Variants in CTTNBP2 observed in about 807,000 individuals in gnomAD.
The protein encoded by CTTNBP2 is cortactin-binding protein 2.
In CTTNBP2, 108 loss-of-function variants were observed where a neutral mutation model predicts 156.9. That is an observed-to-expected ratio of 0.69 (90% CI 0.59 to 0.81). The LOEUF (loss-of-function observed/expected upper bound fraction) is 0.81. Among genes scored for constraint, CTTNBP2 ranks in the 30% least tolerant of loss-of-function variants. The pLI is 0.00. For missense variants in CTTNBP2, 1,924 were observed against 2,035.4 expected (o/e 0.95, Z 1.05); for synonymous variants, 767 against 751.8 (o/e 1.02, Z -0.33).
At chr7:117,827,904 A>T (rs1266131106) in intron 2 of CTTNBP2, among the ~76,000 whole-genome samples, 1 of 152,230 alleles carries the variant, frequency 6.6e-6, no homozygotes, top group Non-Finnish European at 1.5e-5. Flanking sequence ...TCCCCAGGAC[A>T]TTAAGAGCGA....
At chr7:117,731,903 T>A (rs1488798511) in intron 16 of CTTNBP2, among the ~76,000 whole-genome samples, 1 of 152,198 alleles carries the variant, frequency 6.6e-6, no homozygotes, top group Non-Finnish European at 1.5e-5. Flanking sequence ...CTGGATCAAT[T>A]TTTAAACATG....
intron 2 of CTTNBP2, among the ~76,000 whole-genome samples, chr7:117,814,037 C>T (rs1343312712): frequency 6.6e-6 from 1 of 152,196 alleles, no homozygotes; most frequent in East Asian, 1.9e-4. Flanking sequence ...GGTGTCTACT[C>T]ACCCACACAA....
Position 117,760,419 on chromosome 7 carries a change from A to G in CTTNBP2, c.3172+16T>C. Reference sequence around the variant, plus strand: ...CCAGAAATTTCACTTTCTCTCCGTCATAGGACTGCTGATACCTAGCGTGAT... The same window carrying G: ...CCAGAAATTTCACTTTCTCTCCGTCGTAGGACTGCTGATACCTAGCGTGAT... On this transcript the variant is annotated intron_variant, in intron 10 of 22. Coordinates refer to ENST00000160373, the MANE Select transcript of CTTNBP2 (RefSeq NM_033427.3). 1 of 1,609,728 alleles carries G rather than the reference A, an allele frequency of 6.2e-7. No homozygotes were observed. The highest frequency in any genetic ancestry group is 8.5e-7 in the Non-Finnish European group (1 of 1,176,306).
chr7:117,764,805 A>T (rs1584963759), intron 9 of CTTNBP2, among the ~76,000 whole-genome samples: 2 of 152,342 alleles, frequency 1.3e-5, no homozygotes, highest in East Asian at 1.9e-4. Context: ...ACATTTTCAT[A>T]TGTCTCCTGA....
In CTTNBP2 at chr7:117,717,943, C is replaced by T. The variant is rs553250771; in HGVS notation, c.4746+75G>A. ...TTTAAAAAAATAACTCTGTGATTCA[C>T]ACTGAAAGATGATTTGTGAAGTCAA... On this transcript the variant is annotated intron_variant, in intron 22 of 22. Transcript: ENST00000160373. 72 of 916,676 alleles carry T rather than the reference C, an allele frequency of 7.9e-5. 2 individuals carry two copies. The South Asian group carries it at 9.6e-4, about 12-fold the overall frequency. 56.8% of individuals were successfully genotyped at this position (916,676 alleles called of 1,614,324 possible). A position where few individuals can be genotyped will look rare whatever the true frequency, so the allele number is the denominator to read the frequency against.
chr7:117,864,721 TATAC>T (rs1379271277), intron 1 of CTTNBP2, among the ~76,000 whole-genome samples: 2 of 126,616 alleles, frequency 1.6e-5, no homozygotes, highest in Admixed American at 8.2e-5. Context: ...TATATTCATA[TATAC>T]ATATATTCAT....
At chr7:117,868,620 TGTC>T (rs1804372708) in intron 1 of CTTNBP2, among the ~76,000 whole-genome samples, 3 of 152,214 alleles carry the variant, frequency 2.0e-5, no homozygotes, top group Non-Finnish European at 4.4e-5. Context: ...TCAATATCGA[TGTC>T]ATCATCATCG....
intron 2 of CTTNBP2, among the ~76,000 whole-genome samples, chr7:117,835,810 C>T (rs1457434653): frequency 6.6e-6 from 1 of 152,208 alleles, no homozygotes; most frequent in African/African-American, 2.4e-5. Flanking sequence ...TGGTTTTCAA[C>T]TGCCTAGATT....
intron 4 of CTTNBP2, chr7:117,786,443 A>T (rs1401628301): frequency 2.3e-6 from 1 of 443,694 alleles, no homozygotes; most frequent in East Asian, 7.3e-5. Flanking sequence ...ACAAACAAAC[A>T]AACAAAAAAC....
At position 117,711,783 on chromosome 7, in the gene CTTNBP2, C is replaced by G; in HGVS notation, c.4747-1G>C. On this transcript the variant is annotated splice_acceptor_variant, in intron 22 of 22. Transcript: ENST00000160373. LOFTEE classifies it high-confidence loss of function. ...GATGGCTGCTGAGAGGACTGACCTC[C>G]TGTAAGAGACAAGAAACCACACAAG... 2 of 1,605,382 alleles carry G rather than the reference C, an allele frequency of 1.2e-6. No individual in the cohort carries two copies. The highest frequency in any genetic ancestry group is 1.3e-5 in the African/African-American group (1 of 74,656).
intron 2 of CTTNBP2, among the ~76,000 whole-genome samples, chr7:117,828,553 T>C (rs540375336): frequency 5.9e-5 from 9 of 152,312 alleles, no homozygotes; most frequent in East Asian, 5.8e-4. Context: ...TTGTAGGTAA[T>C]GTATGAACTG....
Position 117,711,647 on chromosome 7 carries a change from T to G in CTTNBP2, c.4882A>C (p.Lys1628Gln). ...GTATTACTGCTGCTGCTGCTTCTTT[T>G]GGTGTTCTGGGAACACTGGGTGACT... ...SKVTQCSQNT[K>Q]RSSSSSNTRQ... Residue 1628 changes from lysine (K) to glutamine (Q), a missense_variant, in exon 23 of 23, where the codon AAA becomes CAA. Coordinates refer to ENST00000160373, the MANE Select transcript of CTTNBP2 (RefSeq NM_033427.3). The G allele has an allele frequency of 6.2e-7, 1 of 1,614,098 alleles. No homozygotes were observed. The highest frequency in any genetic ancestry group is 1.1e-5 in the South Asian group (1 of 91,078).
chr7:117,757,887 C>G lies in CTTNBP2; in HGVS notation c.3256G>C (p.Val1086Leu). 6.2e-7 allele frequency: 1 copy of G among 1,609,604 alleles called. No individual in the cohort carries two copies. The highest frequency in any genetic ancestry group is 8.5e-7 in the Non-Finnish European group (1 of 1,178,206). Residue 1086 changes from valine to leucine, a missense_variant, in exon 11 of 23, where the codon GTG becomes CTG. Val to Leu is a conservative substitution (Grantham distance 32). Coordinates refer to ENST00000160373, the MANE Select transcript of CTTNBP2 (RefSeq NM_033427.3). ...GGGACATCCTTACCTGACAAAAGCA[C>G]AGTGATGTGCTCTGCCTTATTCTTC... ...MRKNKAEHITVLLSGPQEGCL... is the reference protein window; with the variant it reads ...MRKNKAEHITLLLSGPQEGCL...
chr7:117,841,280 T>C (rs1225154542), intron 2 of CTTNBP2, among the ~76,000 whole-genome samples: 1 of 152,204 alleles, frequency 6.6e-6, no homozygotes, highest in African/African-American at 2.4e-5. Flanking sequence ...TGTATACATA[T>C]GGGATATGAG....
intron 3 of CTTNBP2, among the ~76,000 whole-genome samples, chr7:117,796,262 T>C (rs1799309094): frequency 6.6e-6 from 1 of 152,188 alleles, no homozygotes; most frequent in South Asian, 2.1e-4. Context: ...TTTTAAAATA[T>C]TAAACACCTT....
intron 14 of CTTNBP2, among the ~76,000 whole-genome samples, chr7:117,736,780 C>T (rs1475199849): frequency 6.6e-6 from 1 of 152,156 alleles, no homozygotes; most frequent in East Asian, 1.9e-4. Context: ...TGGCACTTCC[C>T]ATATACTAAT....
chr7:117,864,797 CTATATTCATATATATTCATTCAATA>C (rs1563077967), intron 1 of CTTNBP2, among the ~76,000 whole-genome samples: 16 of 80,030 alleles, frequency 2.0e-4, no homozygotes, highest in Admixed American at 5.4e-4. Flanking sequence ...TATATTCATT[CTATATTCATATATATTCATTCAATA>C]TATATTCATA....
chr7:117,802,437 C>CAAAAAAAA (rs759797673), intron 3 of CTTNBP2, among the ~76,000 whole-genome samples: 8 of 83,756 alleles, frequency 9.6e-5, no homozygotes, highest in Non-Finnish European at 1.5e-4. Context: ...TCAGCATTGG[C>CAAAAAAAA]AAAAAAAAAA....
At position 117,735,005 on chromosome 7, in the gene CTTNBP2, G is replaced by A. The variant is rs1795603333; in HGVS notation, c.3784C>T (p.Gln1262Ter). The change falls in exon 16 of 23, where the codon CAG (glutamine) becomes TAG (stop). Residue 1262 changes from glutamine to a stop codon, truncating the protein, a stop_gained. Coordinates refer to ENST00000160373, the MANE Select transcript of CTTNBP2 (RefSeq NM_033427.3). LOFTEE classifies it high-confidence loss of function. Reference protein sequence around the residue: ...ACLQGSDLLVQQHFRWVQLRW... With the variant: ...ACLQGSDLLV ...AGCTGCACCCAGCGGAAATGCTGCTGCACCAGCAAGTCGGAGCCCTGGAGA... is the reference window on the plus strand; with the variant it reads ...AGCTGCACCCAGCGGAAATGCTGCTACACCAGCAAGTCGGAGCCCTGGAGA... 6.2e-7 allele frequency: 1 copy of A among 1,614,070 alleles called. No homozygotes were observed. Among genetic ancestry groups the A allele is most frequent in the Non-Finnish European group, 8.5e-7 (1 of 1,180,006 alleles).
Sources: allele counts gnomAD v4.1 joint callset (sites outside exome capture counted in the v4.1 genomes callset), GRCh38; gene constraint gnomAD v4.1.1; transcripts MANE v1.5; gene names NCBI Gene and HGNC (gene_info 2026-07-23, HGNC 2026-07-21).